Variants in CELF4 observed in about 807,000 individuals in gnomAD.
The protein encoded by CELF4 is CUG-BP- and ETR-3-like factor 4.
Under a neutral mutation model 59.9 loss-of-function variants are expected in CELF4, and 18 were observed. That is an observed-to-expected ratio of 0.30 (90% CI 0.21 to 0.45). CELF4 has a LOEUF of 0.45. CELF4 is among the 20% of genes least tolerant of loss of function. CELF4 has a pLI of 1.00. For missense variants in CELF4, 456 were observed against 689.0 expected (o/e 0.66, Z 3.79); for synonymous variants, 261 against 267.1 (o/e 0.98, Z 0.22).
chr18:37,393,898 A>T (rs2099201203), intron 2 of CELF4, among the ~76,000 whole-genome samples: 1 of 143,486 alleles, frequency 7.0e-6, no homozygotes, highest in East Asian at 2.1e-4. Flanking sequence ...CAATAATTCC[A>T]ACTGCAAAGG....
At chr18:37,335,517 G>A (rs2097738997) in intron 2 of CELF4, among the ~76,000 whole-genome samples, 1 of 151,642 alleles carries the variant, frequency 6.6e-6, no homozygotes, top group Admixed American at 6.6e-5. Context: ...GTGTGTGGAG[G>A]TGTGGGGGTG....
At chr18:37,284,247 A>G (rs1357439163) in intron 3 of CELF4, among the ~76,000 whole-genome samples, 1 of 151,186 alleles carries the variant, frequency 6.6e-6, no homozygotes, top group African/African-American at 2.4e-5. Context: ...ATACACACAG[A>G]TACACCAACA....
At chr18:37,263,811 C>A (rs1021418831) in intron 10 of CELF4, among the ~76,000 whole-genome samples, 1 of 152,138 alleles carries the variant, frequency 6.6e-6, no homozygotes, top group Non-Finnish European at 1.5e-5. Context: ...TCTCACCCTG[C>A]CCACGCAGTC....
chr18:37,298,622 G>C (rs991783644), intron 3 of CELF4, among the ~76,000 whole-genome samples: 4 of 151,972 alleles, frequency 2.6e-5, no homozygotes, highest in African/African-American at 9.7e-5. Flanking sequence ...CTACTCCGGA[G>C]GCTGAGGCAG....
At position 37,253,525 on chromosome 18, in the gene CELF4, C is replaced by T. The variant is rs1442472132; in HGVS notation, c.*44+242G>A. 1.8e-4 allele frequency among the ~76,000 whole-genome samples: 27 copies of T among 152,214 alleles called. No individual in the cohort carries two copies. Among genetic ancestry groups the T allele is most frequent in the Admixed American group, 1.8e-3 (27 of 15,288 alleles). On this transcript the variant is annotated intron_variant, in intron 12 of 12. Coordinates refer to ENST00000420428, the MANE Select transcript of CELF4 (RefSeq NM_020180.4). This position sits in a 1 kb window ranked among gnomAD's most constrained non-coding sequence, Gnocchi z 4.5. ...AGGCCCAGGGCTCGCCTCACCCGCCCGGAGTGGCTCCCTCACTCCTGCCCC... is the reference window on the plus strand; with the variant it reads ...AGGCCCAGGGCTCGCCTCACCCGCCTGGAGTGGCTCCCTCACTCCTGCCCC...
chr18:37,365,753 T>G (rs923202748), intron 2 of CELF4, among the ~76,000 whole-genome samples: 5 of 152,146 alleles, frequency 3.3e-5, no homozygotes, highest in Admixed American at 3.3e-4. Context: ...CCCAAAGTGC[T>G]GGGATTACAG....
intron 1 of CELF4, among the ~76,000 whole-genome samples, chr18:37,501,997 G>A (rs2099932385): frequency 6.6e-6 from 1 of 152,192 alleles, no homozygotes; most frequent in African/African-American, 2.4e-5. Context: ...GTAGCCCTCG[G>A]CTGAATCATG....
chr18:37,252,623 C>CG (rs903354881), intron 12 of CELF4, among the ~76,000 whole-genome samples: 8 of 150,900 alleles, frequency 5.3e-5, no homozygotes, highest in Non-Finnish European at 1.0e-4. Context: ...CCCTCAGAGG[C>CG]GGGGGCATGG....
At chr18:37,382,743 G>A (rs1359915623) in intron 2 of CELF4, among the ~76,000 whole-genome samples, 4 of 152,128 alleles carry the variant, frequency 2.6e-5, no homozygotes, top group African/African-American at 4.8e-5. Context: ...TTCAACAAAC[G>A]TAAAATATTT....
intron 2 of CELF4, among the ~76,000 whole-genome samples, chr18:37,348,933 C>G (rs1031032102): frequency 5.3e-5 from 8 of 152,160 alleles, no homozygotes; most frequent in African/African-American, 1.7e-4. Context: ...TCTCCCCTCT[C>G]TCATGCCTCC....
intron 1 of CELF4, among the ~76,000 whole-genome samples, chr18:37,520,079 G>A (rs1186079064): frequency 1.3e-5 from 2 of 152,192 alleles, no homozygotes; most frequent in African/African-American, 4.8e-5. Context: ...AGCAAGGCGG[G>A]GAGGCCTAGA....
intron 1 of CELF4, among the ~76,000 whole-genome samples, chr18:37,542,976 A>T (rs2099978869): frequency 6.6e-6 from 1 of 152,024 alleles, no homozygotes. Flanking sequence ...GTTAGAGCCC[A>T]ATACTGATGA....
At chr18:37,451,644 G>A (rs898247483) in intron 2 of CELF4, among the ~76,000 whole-genome samples, 19 of 152,150 alleles carry the variant, frequency 1.2e-4, no homozygotes, top group Non-Finnish European at 1.9e-4. Flanking sequence ...TAGCTAGCGC[G>A]TGTTCACAGC....
chr18:37,423,949 C>T (rs1443800325), intron 2 of CELF4, among the ~76,000 whole-genome samples: 3 of 151,932 alleles, frequency 2.0e-5, no homozygotes, highest in Non-Finnish European at 2.9e-5. Flanking sequence ...GAGTTTCTTC[C>T]TTATCCACCC....
intron 2 of CELF4, among the ~76,000 whole-genome samples, chr18:37,382,887 C>A (rs188792735): frequency 6.6e-6 from 1 of 152,228 alleles, no homozygotes; most frequent in Admixed American, 6.5e-5. Context: ...GCGCCCTGAC[C>A]CTGACCCTGG....
intron 2 of CELF4, among the ~76,000 whole-genome samples, chr18:37,364,192 T>C (rs934554404): frequency 6.6e-6 from 1 of 152,186 alleles, no homozygotes; most frequent in Admixed American, 6.5e-5. Flanking sequence ...TGGGTGCATG[T>C]GCCCCTTCCC....
chr18:37,272,494 A>G (rs1359879997), intron 7 of CELF4, among the ~76,000 whole-genome samples: 2 of 149,790 alleles, frequency 1.3e-5, no homozygotes, highest in African/African-American at 2.5e-5. Flanking sequence ...TCCCTTGATA[A>G]CTCTTGTGGT....
At chr18:37,423,701 C>T (rs1236872309) in intron 2 of CELF4, among the ~76,000 whole-genome samples, 2 of 152,158 alleles carry the variant, frequency 1.3e-5, no homozygotes, top group African/African-American at 4.8e-5. Context: ...CATCACCTCA[C>T]TCATCCCTAA....
chr18:37,388,005 T>A (rs1477868899), intron 2 of CELF4, among the ~76,000 whole-genome samples: 1 of 152,022 alleles, frequency 6.6e-6, no homozygotes, highest in Non-Finnish European at 1.5e-5. Context: ...CTCTGTGGCC[T>A]TTATTGTCAT....
Sources: allele counts gnomAD v4.1 joint callset (sites outside exome capture counted in the v4.1 genomes callset), GRCh38; gene constraint gnomAD v4.1.1; non-coding constraint Gnocchi (gnomAD v3.1); transcripts MANE v1.5; gene names NCBI Gene and HGNC (gene_info 2026-07-23, HGNC 2026-07-21).